The following FAM200A variants were observed in gnomAD, a reference collection of about 807,000 sequenced individuals.
FAM200A encodes the protein protein FAM200A.
A neutral mutation model predicts 44.2 loss-of-function variants in FAM200A; 26 were observed. The ratio of observed to expected loss-of-function variants is 0.59; its 90% CI spans 0.43 to 0.82. The LOEUF (loss-of-function observed/expected upper bound fraction) is 0.82. Among genes scored for constraint, FAM200A ranks in the 40% least tolerant of loss-of-function variants. The pLI is 0.00. For missense variants in FAM200A, 606 were observed against 669.5 expected (o/e 0.91, Z 1.05); for synonymous variants, 206 against 244.4 (o/e 0.84, Z 1.47).
rs1328681377 is a variant in FAM200A, at chr7:99,547,190, G to C, written c.1218C>G (p.Ile406Met). 1 of 1,548,652 alleles carries C rather than the reference G, an allele frequency of 6.5e-7. No homozygotes were observed. The highest frequency in any genetic ancestry group is 1.2e-5 in the South Asian group (1 of 82,820). ...AGTCTTCATTAATAATGTTCTCTTC[G>C]ATGTGTTGCAATAATGTTGGAAACA... ...YYMFPTLLQHIEENIINEDCL... is the reference protein window; with the variant it reads ...YYMFPTLLQHMEENIINEDCL... The change falls in exon 2 of 2, where the codon ATC becomes ATG. Residue 406 changes from isoleucine to methionine, a missense_variant. Coordinates refer to ENST00000449309, the MANE Select transcript of FAM200A (RefSeq NM_145111.4).
intron 1 of FAM200A, among the ~76,000 whole-genome samples, chr7:99,550,735 A>G (rs1802508618): frequency 6.6e-6 from 1 of 152,094 alleles, no homozygotes; most frequent in Non-Finnish European, 1.5e-5. Flanking sequence ...TCAAGCATAG[A>G]TACCTCCCAC....
upstream of FAM200A, among the ~76,000 whole-genome samples, chr7:99,556,495 G>A (rs950472007): frequency 6.6e-6 from 1 of 152,072 alleles, no homozygotes; most frequent in Non-Finnish European, 1.5e-5. Context: ...TATGTATCTA[G>A]ATCTATTTCT....
upstream of FAM200A, among the ~76,000 whole-genome samples, chr7:99,556,280 C>T (rs1802673309): frequency 6.6e-6 from 1 of 152,160 alleles, no homozygotes; most frequent in Admixed American, 6.5e-5. Flanking sequence ...GGTAAAGTTC[C>T]TGCGGACTAC....
At position 99,547,909 on chromosome 7, in the gene FAM200A, C is replaced by T; in HGVS notation, c.499G>A (p.Asp167Asn). ...LVYVRYVWQD[D>N]FVEDLLCCLN... ...CAACATAAGAGATCCTCTACAAAAT[C>T]ATCTTGCCACACATATCTGACATAA... Residue 167 changes from aspartate (D) to asparagine (N), a missense_variant, in exon 2 of 2, where the codon GAT (aspartate) becomes AAT (asparagine). By Grantham distance (23) the Asp-to-Asn change is conservative (BLOSUM62 1). Transcript: ENST00000449309. 1 of 1,551,184 alleles carries T rather than the reference C, an allele frequency of 6.4e-7. No homozygotes were observed. The highest frequency in any genetic ancestry group is 8.7e-7 in the Non-Finnish European group (1 of 1,146,980).
upstream of FAM200A, among the ~76,000 whole-genome samples, chr7:99,554,328 A>T (rs1270840296): frequency 6.6e-6 from 1 of 151,740 alleles, no homozygotes; most frequent in African/African-American, 2.4e-5. Context: ...AAAATACAGA[A>T]ATTACCTGGG....
chr7:99,548,218 A>C lies in FAM200A; in HGVS notation c.190T>G (p.Ser64Ala). ...GCCACTCTATATGCAACTAAATACG[A>C]TGACAATAAGGCTCTCTCATTCATA... ...TTMNERALLS[S>A]YLVAYRVAKE... Residue 64 changes from serine (S) to alanine (A), a missense_variant, in exon 2 of 2, where the codon TCG becomes GCG. Coordinates refer to ENST00000449309, the MANE Select transcript of FAM200A (RefSeq NM_145111.4). 6.3e-7 allele frequency: 1 copy of C among 1,594,332 alleles called. No homozygotes were observed. Among genetic ancestry groups the C allele is most frequent in the Non-Finnish European group, 8.6e-7 (1 of 1,169,362 alleles).
upstream of FAM200A, among the ~76,000 whole-genome samples, chr7:99,553,097 ATATTTTTT>A (rs1447396741): frequency 7.4e-3 from 581 of 78,024 alleles, 2 homozygotes; most frequent in African/African-American, 0.037. Context: ...ATATATATAT[ATATTTTTT>A]TTTTTTTTTT....
upstream of FAM200A, among the ~76,000 whole-genome samples, chr7:99,554,598 T>A (rs751609115): frequency 4.6e-5 from 7 of 151,854 alleles, no homozygotes; most frequent in African/African-American, 9.7e-5. Context: ...AACAATAAGA[T>A]GGTCCCTAAC....
intron 1 of FAM200A, among the ~76,000 whole-genome samples, chr7:99,558,001 C>G (rs967530449): frequency 6.6e-6 from 1 of 152,196 alleles, no homozygotes; most frequent in African/African-American, 2.4e-5. Context: ...GTGCACAATG[C>G]TTTTGCCTAT....
At position 99,547,189 on chromosome 7, in the gene FAM200A, C is replaced by T. The variant is rs751017963; in HGVS notation, c.1219G>A (p.Glu407Lys). 3.8e-5 allele frequency: 59 copies of T among 1,548,530 alleles called. No individual in the cohort carries two copies. The highest frequency in any genetic ancestry group is 1.2e-4 in the Admixed American group (6 of 50,462). ...CAGTCTTCATTAATAATGTTCTCTT[C>T]GATGTGTTGCAATAATGTTGGAAAC... ...YMFPTLLQHI[E>K]ENIINEDCLK... Residue 407 changes from glutamate to lysine, a missense_variant, in exon 2 of 2, where the codon GAA becomes AAA. Physicochemically the swap from Glu to Lys is moderately conservative, Grantham distance 56. Coordinates refer to ENST00000449309, the MANE Select transcript of FAM200A (RefSeq NM_145111.4).
intron 1 of FAM200A, among the ~76,000 whole-genome samples, chr7:99,549,177 TAAAAA>T (rs1244986654): frequency 0.022 from 3,244 of 146,612 alleles, 242 homozygotes; most frequent in East Asian, 0.11. Flanking sequence ...TTGTATTTCT[TAAAAA>T]TAAGAAATTA....
upstream of FAM200A, among the ~76,000 whole-genome samples, chr7:99,553,022 T>TATATACATGTATATATATATACACACAC (rs1802577247): frequency 7.7e-6 from 1 of 130,690 alleles, no homozygotes; most frequent in Non-Finnish European, 1.5e-5. Flanking sequence ...TATACACATA[T>TATATACATGTATATATATATACACACAC]ATATACATGT....
intron 1 of FAM200A, among the ~76,000 whole-genome samples, chr7:99,549,182 A>ATTTTTTTTTTTTTTTTTTTTTTTT (rs1443044531): frequency 2.2e-5 from 3 of 138,188 alleles, no homozygotes; most frequent in South Asian, 2.9e-4. Context: ...TTTCTTAAAA[A>ATTTTTTTTTTTTTTTTTTTTTTTT]TAAGAAATTA....
Position 99,547,512 on chromosome 7 carries a change from G to T in FAM200A, c.896C>A (p.Thr299Lys). 1 of 1,550,164 alleles carries T rather than the reference G, an allele frequency of 6.5e-7. No individual in the cohort carries two copies. Reference protein sequence around the residue: ...GVNHTHLLFHTEVRWLSQGKV... With the variant: ...GVNHTHLLFHKEVRWLSQGKV... ...TCCTTGAGAAAGCCAACGAACTTCTGTATGAAACAATAAGTGGGTGTGGTT... is the reference window on the plus strand; with the variant it reads ...TCCTTGAGAAAGCCAACGAACTTCTTTATGAAACAATAAGTGGGTGTGGTT... Residue 299 changes from threonine to lysine, a missense_variant, in exon 2 of 2, where the codon ACA (threonine) becomes AAA (lysine). By Grantham distance (78) the Thr-to-Lys change is moderately conservative. Transcript: ENST00000449309.
upstream of FAM200A, among the ~76,000 whole-genome samples, chr7:99,552,972 C>CATATATATAT (rs1328337099): frequency 1.0e-2 from 1,433 of 143,494 alleles, 27 homozygotes; most frequent in African/African-American, 0.035. Context: ...ATCTTTGCTC[C>CATATATATAT]ATATATATAT....
In FAM200A at chr7:99,548,164, C is replaced by G; in HGVS notation, c.244G>C (p.Glu82Gln). Residue 82 changes from glutamate (E) to glutamine (Q), a missense_variant, in exon 2 of 2, where the codon GAA becomes CAA. Glu to Gln is a conservative substitution (Grantham distance 29). Transcript: ENST00000449309. ...ATACATGCTGGAAGGATAATTTTTT[C>G]AGCCGCTGTGTGAGCCATTTTCTCT... The part of the protein sequence containing the change: ...AKEKMAHTAA[E>Q]KIILPACMDM... 2 of 1,552,560 alleles carry G rather than the reference C, an allele frequency of 1.3e-6. No individual in the cohort carries two copies. The highest frequency in any genetic ancestry group is 1.2e-5 in the South Asian group (1 of 84,194).
At position 99,547,504 on chromosome 7, in the gene FAM200A, G is replaced by A. The variant is rs958222142; in HGVS notation, c.904C>T (p.Arg302Cys). Residue 302 changes from arginine (R) to cysteine (C), a missense_variant, in exon 2 of 2, where the codon CGT becomes TGT. Transcript: ENST00000449309. ...HTHLLFHTEVRWLSQGKVLSR... is the reference protein window; with the variant it reads ...HTHLLFHTEVCWLSQGKVLSR... ...AATACTTTTCCTTGAGAAAGCCAAC[G>A]AACTTCTGTATGAAACAATAAGTGG... 15 of 1,549,266 alleles carry A rather than the reference G, an allele frequency of 9.7e-6. No individual in the cohort carries two copies. The highest frequency in any genetic ancestry group is 8.4e-5 in the South Asian group (7 of 83,480).
upstream of FAM200A, among the ~76,000 whole-genome samples, chr7:99,552,294 C>T (rs775299402): frequency 2.6e-5 from 4 of 152,190 alleles, no homozygotes; most frequent in East Asian, 1.9e-4. Flanking sequence ...GGATGAATTT[C>T]CCTTTATACC....
upstream of FAM200A, among the ~76,000 whole-genome samples, chr7:99,553,097 ATATT>A (rs1173333015): frequency 7.2e-4 from 56 of 78,130 alleles, no homozygotes; most frequent in African/African-American, 2.8e-3. Flanking sequence ...ATATATATAT[ATATT>A]TTTTTTTTTT....
Sources: allele counts gnomAD v4.1 joint callset (sites outside exome capture counted in the v4.1 genomes callset), GRCh38; gene constraint gnomAD v4.1.1; transcripts MANE v1.5; gene names NCBI Gene and HGNC (gene_info 2026-07-23, HGNC 2026-07-21).